Variants in PCDHA13 observed in about 807,000 individuals in gnomAD.
PCDHA13 encodes protocadherin alpha-13.
PCDHA13 carries 54 observed loss-of-function variants against 64.8 expected under a neutral mutation model. The observed-to-expected ratio is 0.83, with a 90% confidence interval of 0.67 to 1.04. The LOEUF (loss-of-function observed/expected upper bound fraction) is 1.04, where lower values mean the gene tolerates loss of function less well. PCDHA13 is among the 50% of genes least tolerant of loss of function. PCDHA13 has a pLI of 0.00. For missense variants in PCDHA13, 1,248 were observed against 1,254.3 expected (o/e 0.99, Z 0.08); for synonymous variants, 587 against 564.4 (o/e 1.04, Z -0.57).
chr5:140,924,896 AAAAAAAAAAT>A (rs1244420537), intron 1 of PCDHA13, among the ~76,000 whole-genome samples: 4 of 69,138 alleles, frequency 5.8e-5, no homozygotes, highest in African/African-American at 1.0e-4. Flanking sequence ...ACCTGTCTCA[AAAAAAAAAAT>A]AAAATAAAAT....
chr5:140,969,066 G>A (rs2096292938), intron 1 of PCDHA13: 2 of 1,614,144 alleles, frequency 1.2e-6, no homozygotes, highest in Admixed American at 3.3e-5. Context: ...ATTGATGCCA[G>A]GATACCGCAT....
chr5:140,975,579 A>G (rs1464978366), intron 1 of PCDHA13, among the ~76,000 whole-genome samples: 3 of 152,244 alleles, frequency 2.0e-5, no homozygotes, highest in Non-Finnish European at 4.4e-5. Context: ...ATGCAGTCTC[A>G]TGTCCCAGAG....
intron 1 of PCDHA13, among the ~76,000 whole-genome samples, chr5:140,887,409 T>C (rs1203976948): frequency 6.6e-6 from 1 of 152,184 alleles, no homozygotes; most frequent in African/African-American, 2.4e-5. Context: ...TATCTCATTT[T>C]TATTTTTGAA....
At chr5:140,927,889 G>A in intron 1 of PCDHA13, 3 of 1,614,226 alleles carry the variant, frequency 1.9e-6, no homozygotes, top group Non-Finnish European at 2.5e-6. Flanking sequence ...GGTGACTGAC[G>A]TGAACGATCA....
At chr5:140,997,572 G>T (rs1457109655) in intron 3 of PCDHA13, among the ~76,000 whole-genome samples, 1 of 152,068 alleles carries the variant, frequency 6.6e-6, no homozygotes, top group Non-Finnish European at 1.5e-5. Context: ...CATATGTGTG[G>T]TCCGTTGTTG....
intron 3 of PCDHA13, among the ~76,000 whole-genome samples, chr5:141,002,380 G>T (rs1284047266): frequency 2.0e-5 from 3 of 152,196 alleles, no homozygotes; most frequent in Non-Finnish European, 2.9e-5. Context: ...CTGGCTTAGG[G>T]CTCCTGCTGG....
rs199847007 is a variant in PCDHA13, at chr5:140,883,896, C to A, written c.1628C>A (p.Pro543Gln). ...FQVSARDSGV[P>Q]PLGSNVTLQV... ...GTGAGCGCGCGCGACTCTGGCGTGC[C>A]GCCTCTGGGCAGCAACGTGACGCTG... Residue 543 changes from proline (P) to glutamine (Q), a missense_variant, in exon 1 of 4, where the codon CCG becomes CAG. Pro to Gln is a moderately conservative substitution (Grantham distance 76). Transcript: ENST00000289272. The A allele has an allele frequency of 3.1e-6, 5 of 1,613,386 alleles. 1 individual carries two copies. In the South Asian group the frequency reaches 4.4e-5, roughly 14 times the overall value.
intron 1 of PCDHA13, among the ~76,000 whole-genome samples, chr5:140,903,809 G>A (rs1004701576): frequency 2.0e-5 from 3 of 152,080 alleles, no homozygotes; most frequent in African/African-American, 7.2e-5. Flanking sequence ...GACAAGTATA[G>A]TTCTCACATG....
At position 141,011,517 on chromosome 5, in the gene PCDHA13, T is replaced by C. The variant is rs1397450262; in HGVS notation, c.*1580T>C. 2.6e-5 allele frequency: 4 copies of C among 153,768 alleles called. No individual in the cohort carries two copies. The highest frequency in any genetic ancestry group is 5.9e-5 in the Non-Finnish European group (4 of 68,028). The allele number at this position is 153,768 out of a possible 1,614,324, so 9.5% of individuals were successfully genotyped here. On this transcript the variant is annotated 3_prime_UTR_variant, in exon 4 of 4. Transcript: ENST00000289272. Reference sequence around the variant, plus strand: ...ACCTGTGAAAAAGTGGAGTAGTGTTTTTTTAACCATTGTTAATCAGCTTTT... The same window carrying C: ...ACCTGTGAAAAAGTGGAGTAGTGTTCTTTTAACCATTGTTAATCAGCTTTT...
At chr5:141,004,705 C>T (rs535016776) in intron 3 of PCDHA13, among the ~76,000 whole-genome samples, 5 of 152,154 alleles carry the variant, frequency 3.3e-5, no homozygotes, top group Admixed American at 6.5e-5. Context: ...TTTTAGGTGC[C>T]GAATCAGAGG....
At chr5:140,976,208 A>G (rs2096706017) in intron 1 of PCDHA13, among the ~76,000 whole-genome samples, 1 of 152,202 alleles carries the variant, frequency 6.6e-6, no homozygotes, top group Non-Finnish European at 1.5e-5. Context: ...TCAGAAGTAA[A>G]AAAGAGAAAG....
chr5:140,977,464 T>C (rs1245985019), intron 1 of PCDHA13, among the ~76,000 whole-genome samples: 1 of 152,256 alleles, frequency 6.6e-6, no homozygotes, highest in Non-Finnish European at 1.5e-5. Flanking sequence ...TGATTTGGTC[T>C]GTAGATAATT....
At position 140,883,555 on chromosome 5, in the gene PCDHA13, C is replaced by T; in HGVS notation, c.1287C>T (p.Asp429=). The T allele has an allele frequency of 1.9e-6, 3 of 1,614,168 alleles. No individual in the cohort carries two copies. The highest frequency in any genetic ancestry group is 2.5e-6 in the Non-Finnish European group (3 of 1,180,026). Reference sequence around the variant, plus strand: ...ATGAACTGGTGGTGACCGCGCGGGACGGGGGCTCGCCTTCGCTGTGGGCCA... The same window carrying T: ...ATGAACTGGTGGTGACCGCGCGGGATGGGGGCTCGCCTTCGCTGTGGGCCA... The part of the protein sequence containing the change: ...SAYELVVTAR[D]GGSPSLWATA... Residue 429 remains aspartate, a synonymous_variant, in exon 1 of 4, where the codon GAC becomes GAT. Coordinates refer to ENST00000289272, the MANE Select transcript of PCDHA13 (RefSeq NM_018904.3).
chr5:140,928,068 C>T (rs1554205429), intron 1 of PCDHA13: 2 of 1,614,214 alleles, frequency 1.2e-6, no homozygotes, highest in Non-Finnish European at 1.7e-6. Context: ...CTTCCTTTGA[C>T]AACTACTACA....
Position 141,009,816 on chromosome 5 carries a change from G to A in PCDHA13, c.2732G>A (p.Ser911Asn). ...QEPTNSQIDK[S>N]DFITFGKKEE... Reference sequence around the variant, plus strand: ...CCTACTAACAGCCAAATTGACAAAAGTGACTTCATAACCTTCGGCAAAAAG... The same window carrying A: ...CCTACTAACAGCCAAATTGACAAAAATGACTTCATAACCTTCGGCAAAAAG... Residue 911 changes from serine to asparagine, a missense_variant, in exon 4 of 4, where the codon AGT (serine) becomes AAT (asparagine). Ser to Asn is a conservative substitution (Grantham distance 46). Transcript: ENST00000289272. 1 of 1,614,044 alleles carries A rather than the reference G, an allele frequency of 6.2e-7. No homozygotes were observed. Among genetic ancestry groups the A allele is most frequent in the African/African-American group, 1.3e-5 (1 of 74,990 alleles).
rs782449567 is a variant in PCDHA13, at chr5:140,928,010, G to T, written c.2394+43348G>T. 4.3e-6 allele frequency: 7 copies of T among 1,614,168 alleles called. No individual in the cohort carries two copies. In the South Asian group the frequency reaches 6.6e-5, roughly 15 times the overall value. On this transcript the variant is annotated intron_variant, in intron 1 of 3. Coordinates refer to ENST00000289272, the MANE Select transcript of PCDHA13 (RefSeq NM_018904.3). Reference sequence around the variant, plus strand: ...AAGGATGAAGACCTCGATTCTAATGGTAGGGTCATTTGTGGCATGTCTAGT... The same window carrying T: ...AAGGATGAAGACCTCGATTCTAATGTTAGGGTCATTTGTGGCATGTCTAGT...
intron 1 of PCDHA13, among the ~76,000 whole-genome samples, chr5:140,978,185 G>C (rs1177844558): frequency 1.3e-5 from 2 of 152,168 alleles, no homozygotes; most frequent in East Asian, 3.8e-4. Context: ...GAGGGCAACA[G>C]ATCTTTTCAA....
intron 1 of PCDHA13, among the ~76,000 whole-genome samples, chr5:140,890,901 T>C (rs1583031993): frequency 6.6e-6 from 1 of 152,194 alleles, no homozygotes; most frequent in Admixed American, 6.5e-5. Flanking sequence ...TGTCTTTCCA[T>C]GTTAGAATAA....
intron 1 of PCDHA13, among the ~76,000 whole-genome samples, chr5:140,947,620 T>C (rs1554218262): frequency 6.6e-6 from 1 of 151,706 alleles, no homozygotes; most frequent in African/African-American, 2.4e-5. Flanking sequence ...CTTAACAATA[T>C]TGAGTCATCA....
Sources: gnomAD v4.1 joint callset for allele counts (sites outside exome capture counted in the v4.1 genomes callset) on GRCh38, gnomAD v4.1.1 for gene constraint, MANE v1.5 for transcripts, NCBI Gene and HGNC (gene_info 2026-07-23, HGNC 2026-07-21) for gene names.